The following ANKS1B variants were observed in gnomAD, a reference collection of about 807,000 sequenced individuals.
The protein encoded by ANKS1B is ankyrin repeat and sterile alpha motif domain-containing protein 1B.
Under a neutral mutation model 148.3 loss-of-function variants are expected in ANKS1B, and 36 were observed. That is an observed-to-expected ratio of 0.24 (90% CI 0.19 to 0.32). The LOEUF is 0.32. Among genes scored for constraint, ANKS1B ranks in the 10% least tolerant of loss-of-function variants. The pLI, the probability that ANKS1B is intolerant of heterozygous loss-of-function variation, is 1.00. For synonymous variants in ANKS1B, 542 were observed against 560.8 expected, an observed-to-expected ratio of 0.97 and a Z score of 0.47; for missense variants, 1,157 against 1,542.6, an observed-to-expected ratio of 0.75 and a Z score of 4.19.
intron 15 of ANKS1B, among the ~76,000 whole-genome samples, chr12:99,109,683 A>T (rs7302450): frequency 0.089 from 13,526 of 152,180 alleles, 1,494 homozygotes; most frequent in African/African-American, 0.26. Context: ...GGCACAGAGA[A>T]GTAAGGTGTG....
chr12:98,970,440 A>C (rs1480484021), intron 17 of ANKS1B, among the ~76,000 whole-genome samples: 2 of 152,228 alleles, frequency 1.3e-5, no homozygotes, highest in Admixed American at 6.5e-5. Flanking sequence ...GGCACACAGC[A>C]GGCATTCAAT....
chr12:99,676,778 A>C (rs1441006479), intron 8 of ANKS1B, among the ~76,000 whole-genome samples: 2 of 152,262 alleles, frequency 1.3e-5, no homozygotes, highest in Non-Finnish European at 2.9e-5. Flanking sequence ...TCATACAGCT[A>C]CTGTGAAGTC....
chr12:99,101,753 G>T (rs751032958), intron 15 of ANKS1B, among the ~76,000 whole-genome samples: 1 of 152,132 alleles, frequency 6.6e-6, no homozygotes, highest in Admixed American at 6.5e-5. Context: ...GTAAAGACAG[G>T]GTTTCACCAT....
chr12:99,098,324 G>A (rs2056872948), intron 15 of ANKS1B, among the ~76,000 whole-genome samples: 1 of 152,168 alleles, frequency 6.6e-6, no homozygotes, highest in Non-Finnish European at 1.5e-5. Flanking sequence ...TCTGATGGAT[G>A]GAGTCTTTCT....
At chr12:99,780,036 C>G (rs2153631484) in intron 5 of ANKS1B, 64 bp from the exon 6 acceptor site, 2 of 1,132,298 alleles carry the variant, frequency 1.8e-6, no homozygotes, top group Non-Finnish European at 2.6e-6. Context: ...GATACTATCA[C>G]TATCTAACTG....
chr12:99,436,026 T>A (rs939707905), intron 11 of ANKS1B, among the ~76,000 whole-genome samples: 2 of 151,964 alleles, frequency 1.3e-5, no homozygotes, highest in African/African-American at 4.8e-5. Context: ...TTCTATTACG[T>A]CTATCTTTCT....
chr12:99,801,028 C>T (rs2066884016), intron 4 of ANKS1B, among the ~76,000 whole-genome samples: 1 of 152,100 alleles, frequency 6.6e-6, no homozygotes, highest in African/African-American at 2.4e-5. Context: ...TTATTGGCCT[C>T]TCCTTTTATA....
intron 1 of ANKS1B, among the ~76,000 whole-genome samples, chr12:99,872,560 C>G (rs1330588300): frequency 6.7e-6 from 1 of 149,472 alleles, no homozygotes; most frequent in Admixed American, 6.6e-5. Flanking sequence ...GATATTTAGA[C>G]AACAACAAAA....
chr12:99,667,819 T>C (rs1484756157), intron 8 of ANKS1B, among the ~76,000 whole-genome samples: 3 of 152,246 alleles, frequency 2.0e-5, no homozygotes, highest in African/African-American at 7.2e-5. Context: ...GTTTTCTTCC[T>C]TTATTCTGTT....
intron 9 of ANKS1B, among the ~76,000 whole-genome samples, chr12:99,510,074 A>G (rs1037069702): frequency 6.6e-6 from 1 of 152,016 alleles, no homozygotes; most frequent in Non-Finnish European, 1.5e-5. Flanking sequence ...TAAGCCCACT[A>G]TTGAGACCTA....
intron 24 of ANKS1B, among the ~76,000 whole-genome samples, chr12:98,780,875 CA>C (rs2098727758): frequency 1.3e-5 from 2 of 152,086 alleles, no homozygotes; most frequent in Non-Finnish European, 2.9e-5. Context: ...AGTGAAAGCA[CA>C]ATATTTATAG....
At chr12:99,686,087 C>G (rs1394580522) in intron 8 of ANKS1B, among the ~76,000 whole-genome samples, 1 of 151,994 alleles carries the variant, frequency 6.6e-6, no homozygotes, top group Non-Finnish European at 1.5e-5. Flanking sequence ...AGAACTTATC[C>G]ATGTAAGCAA....
At chr12:99,516,385 G>A (rs1179104542) in intron 9 of ANKS1B, among the ~76,000 whole-genome samples, 1 of 151,956 alleles carries the variant, frequency 6.6e-6, no homozygotes, top group South Asian at 2.1e-4. Context: ...ATCAAGTTTT[G>A]CCAGCACAGA....
At chr12:98,781,313 A>AC (rs745453071) in intron 23 of ANKS1B, 110 bp from the exon 24 acceptor site, 4 of 613,994 alleles carry the variant, frequency 6.5e-6, no homozygotes, top group African/African-American at 3.7e-5. Flanking sequence ...AAACAACAAC[A>AC]ACACACACAC....
At chr12:99,199,904 G>A (rs2081865533) in intron 14 of ANKS1B, among the ~76,000 whole-genome samples, 2 of 152,248 alleles carry the variant, frequency 1.3e-5, no homozygotes, top group Middle Eastern at 3.4e-3. Context: ...CTCATCAAAA[G>A]CATCAGAGAT....
intron 1 of ANKS1B, among the ~76,000 whole-genome samples, chr12:99,960,250 G>T (rs2095390950): frequency 6.6e-6 from 1 of 152,210 alleles, no homozygotes; most frequent in Non-Finnish European, 1.5e-5. Context: ...AATCCCTATA[G>T]ATAAGCTTTA....
At chr12:99,932,638 A>G (rs915917586) in intron 1 of ANKS1B, among the ~76,000 whole-genome samples, 21 of 151,972 alleles carry the variant, frequency 1.4e-4, no homozygotes, top group African/African-American at 4.8e-4. Context: ...TTTTTTTCCC[A>G]TAGAGTTGTT....
chr12:98,765,055 C>T (rs570298718), intron 25 of ANKS1B, among the ~76,000 whole-genome samples: 5 of 152,234 alleles, frequency 3.3e-5, no homozygotes, highest in East Asian at 1.9e-4. Flanking sequence ...AATCAAAAAC[C>T]GGGACATAAA....
At position 99,886,553 on chromosome 12, in the gene ANKS1B, G is replaced by A. The variant is rs76481508; in HGVS notation, c.135-61164C>T. Among the ~76,000 whole-genome samples, 1,010 of 151,954 alleles carry A rather than the reference G, an allele frequency of 6.6e-3. 10 individuals are homozygous for A. The highest frequency in any genetic ancestry group is 0.023 in the African/African-American group (957 of 41,442). On this transcript the variant is annotated intron_variant, in intron 1 of 26. Coordinates refer to ENST00000683438, the MANE Select transcript of ANKS1B (RefSeq NM_001352186.2). ...TATATACACATACATATATATGTAT[G>A]TATGTGTATATACTATGCATACCAT... is the stretch of plus-strand genomic sequence containing the variant.
Sources: allele counts gnomAD v4.1 joint callset (sites outside exome capture counted in the v4.1 genomes callset), GRCh38; gene constraint gnomAD v4.1.1; transcripts MANE v1.5; gene names NCBI Gene and HGNC (gene_info 2026-07-23, HGNC 2026-07-21).